The following MACROD1 variants were observed in gnomAD, a reference collection of about 807,000 sequenced individuals.
MACROD1 encodes the protein mono-ADP ribosylhydrolase 1, also known as ADP-ribose glycohydrolase MACROD1.
Under a neutral mutation model 41.4 loss-of-function variants are expected in MACROD1, and 31 were observed. That is an observed-to-expected ratio of 0.75 (90% CI 0.56 to 1.01). The LOEUF (loss-of-function observed/expected upper bound fraction) is 1.01, where lower values mean the gene tolerates loss of function less well. Ranked by LOEUF, MACROD1 falls within the 50% of genes least tolerant of loss-of-function variation. The probability of loss-of-function intolerance (pLI) is 0.00; values close to 1 mark genes in which losing one functional copy is unlikely to be tolerated. For missense variants in MACROD1, 473 were observed against 460.0 expected (o/e 1.03, Z -0.26); for synonymous variants, 252 against 203.4 (o/e 1.24, Z -2.03).
At chr11:64,153,627 T>C (rs147617911) in intron 1 of MACROD1, among the ~76,000 whole-genome samples, 92 of 152,238 alleles carry the variant, frequency 6.0e-4, no homozygotes, top group African/African-American at 2.0e-3. Context: ...GCTGAGAGCA[T>C]TAGATGACAG....
At position 64,056,282 on chromosome 11, in the gene MACROD1, C is replaced by T. The variant is rs1441935281; in HGVS notation, c.518-41001G>A. On this transcript the variant is annotated intron_variant, in intron 3 of 10. Coordinates refer to ENST00000255681, the MANE Select transcript of MACROD1 (RefSeq NM_014067.4). ...AGGGAGCTAGGCCTCAGCCTGTCTC[C>T]AGGGTCCCTGCTGCAGCCCCTACAC... Among the ~76,000 whole-genome samples the T allele has an allele frequency of 2.6e-5, 4 of 152,214 alleles. No homozygotes were observed. In the East Asian group the frequency reaches 7.7e-4, roughly 29 times the overall value.
intron 3 of MACROD1, among the ~76,000 whole-genome samples, chr11:64,051,493 G>A (rs1590841325): frequency 6.6e-6 from 1 of 152,180 alleles, no homozygotes; most frequent in African/African-American, 2.4e-5. Flanking sequence ...GCACCCTCTC[G>A]GAAGCCTCGC....
chr11:64,040,528 C>T (rs1020281651), intron 3 of MACROD1, among the ~76,000 whole-genome samples: 1 of 152,210 alleles, frequency 6.6e-6, no homozygotes, highest in African/African-American at 2.4e-5. Flanking sequence ...CTCTGCCTGT[C>T]CTTGCAGATG....
intron 3 of MACROD1, among the ~76,000 whole-genome samples, chr11:64,029,759 A>G (rs1407587407): frequency 3.9e-5 from 6 of 152,050 alleles, no homozygotes; most frequent in African/African-American, 1.4e-4. Context: ...GACACAGTTC[A>G]CATCTCCTTC....
chr11:64,148,558 TCTGG>T (rs1387519902), intron 3 of MACROD1, among the ~76,000 whole-genome samples: 1 of 152,198 alleles, frequency 6.6e-6, no homozygotes, highest in Non-Finnish European at 1.5e-5. Flanking sequence ...TGCTCTCTCC[TCTGG>T]CTTATTGTGG....
chr11:64,117,290 C>G, intron 3 of MACROD1: 1 of 1,614,168 alleles, frequency 6.2e-7, no homozygotes, highest in Non-Finnish European at 8.5e-7. Context: ...GGCTGCGGGA[C>G]TGGGTGAAGG....
At chr11:64,028,905 C>T (rs984982844) in intron 3 of MACROD1, among the ~76,000 whole-genome samples, 2 of 152,114 alleles carry the variant, frequency 1.3e-5, no homozygotes, top group Non-Finnish European at 2.9e-5. Flanking sequence ...ACTTCCCTGC[C>T]CCTGGAGCAC....
chr11:64,097,798 G>A (rs1245232615), intron 3 of MACROD1, among the ~76,000 whole-genome samples: 2 of 152,158 alleles, frequency 1.3e-5, no homozygotes, highest in African/African-American at 4.8e-5. Flanking sequence ...ACAGCCTCCA[G>A]AGGCCTTCCT....
intron 3 of MACROD1, among the ~76,000 whole-genome samples, chr11:64,100,440 C>T (rs149641204): frequency 6.6e-6 from 1 of 152,262 alleles, no homozygotes; most frequent in African/African-American, 2.4e-5. Flanking sequence ...TGGTTTTGAG[C>T]ACAGAGACCA....
intron 1 of MACROD1, among the ~76,000 whole-genome samples, chr11:64,152,713 C>T (rs899543635): frequency 1.3e-5 from 2 of 152,226 alleles, no homozygotes; most frequent in Non-Finnish European, 1.5e-5. Context: ...CCCGTTTCTC[C>T]CTGATTAGAA....
At position 64,122,112 on chromosome 11, in the gene MACROD1, A is replaced by C. The variant is rs752008870; in HGVS notation, c.517+29127T>G. ...GGGCCCAATGTATGGAATGCTTAAG[A>C]GATTACTAAAAATAAAATCTATTAA... On this transcript the variant is annotated intron_variant, in intron 3 of 10. Transcript: ENST00000255681. This position sits in a 1 kb window ranked among gnomAD's most constrained non-coding sequence, Gnocchi z 4.0. Among the ~76,000 whole-genome samples the C allele has an allele frequency of 9.9e-5, 15 of 152,230 alleles. No individual in the cohort carries two copies. The highest frequency in any genetic ancestry group is 1.9e-4 in the Non-Finnish European group (13 of 68,040).
chr11:64,124,333 G>A (rs1945144849), intron 3 of MACROD1, among the ~76,000 whole-genome samples: 1 of 152,206 alleles, frequency 6.6e-6, no homozygotes, highest in African/African-American at 2.4e-5. Flanking sequence ...AGTCCAACAC[G>A]CTCATGCTGC....
intron 3 of MACROD1, among the ~76,000 whole-genome samples, chr11:64,098,960 G>A (rs1330408100): frequency 1.3e-5 from 2 of 152,216 alleles, no homozygotes; most frequent in African/African-American, 4.8e-5. Context: ...GCTAATATAG[G>A]AATTAATATC....
At chr11:64,086,735 A>C (rs980462304) in intron 3 of MACROD1, among the ~76,000 whole-genome samples, 2 of 152,152 alleles carry the variant, frequency 1.3e-5, no homozygotes, top group Non-Finnish European at 2.9e-5. Context: ...TCTCGTGCTC[A>C]CAGTACAGAG....
At chr11:64,004,980 C>T (rs1222401625) in intron 4 of MACROD1, among the ~76,000 whole-genome samples, 1 of 148,438 alleles carries the variant, frequency 6.7e-6, no homozygotes, top group Non-Finnish European at 1.5e-5. Flanking sequence ...AGCAACCTGT[C>T]CAAGGCCCCA....
intron 3 of MACROD1, among the ~76,000 whole-genome samples, chr11:64,134,654 C>T (rs1000185029): frequency 2.6e-5 from 4 of 152,078 alleles, no homozygotes; most frequent in African/African-American, 4.8e-5. Flanking sequence ...TCCCCGGCTG[C>T]GCCACACCTG....
At chr11:64,017,043 C>T (rs1353041160) in intron 3 of MACROD1, among the ~76,000 whole-genome samples, 7 of 152,190 alleles carry the variant, frequency 4.6e-5, no homozygotes, top group African/African-American at 4.8e-5. Flanking sequence ...CATCTCGGCT[C>T]GCTGCAACCT....
chr11:64,158,342 G>T (rs1945701309), intron 1 of MACROD1, among the ~76,000 whole-genome samples: 2 of 152,206 alleles, frequency 1.3e-5, no homozygotes, highest in African/African-American at 2.4e-5. Flanking sequence ...GGGGTGACAA[G>T]GAAGGGGAGG....
chr11:64,109,913 G>A (rs191252056), intron 3 of MACROD1, among the ~76,000 whole-genome samples: 28 of 152,216 alleles, frequency 1.8e-4, no homozygotes, highest in East Asian at 1.5e-3. Context: ...CCACTGGAGC[G>A]CGGAGGACAG....
Sources: gnomAD v4.1 joint callset for allele counts (sites outside exome capture counted in the v4.1 genomes callset) on GRCh38, gnomAD v4.1.1 for gene constraint, Gnocchi (gnomAD v3.1) non-coding constraint, MANE v1.5 for transcripts, NCBI Gene and HGNC (gene_info 2026-07-23, HGNC 2026-07-21) for gene names.